CMIP: variants seen among roughly 807,000 people sequenced by gnomAD.
The protein encoded by CMIP is C-Maf-inducing protein.
In CMIP, 13 loss-of-function variants were observed where a neutral mutation model predicts 97.3. The ratio of observed to expected loss-of-function variants is 0.13; its 90% CI spans 0.09 to 0.21. CMIP has a LOEUF of 0.21. Ranked by LOEUF, CMIP falls within the 10% of genes least tolerant of loss-of-function variation. CMIP has a pLI of 1.00. For missense variants in CMIP, 847 were observed against 1,024.9 expected (o/e 0.83, Z 2.37); for synonymous variants, 538 against 436.3 (o/e 1.23, Z -2.91).
chr16:81,624,795 T>C (rs2092038853), intron 3 of CMIP, among the ~76,000 whole-genome samples: 1 of 152,226 alleles, frequency 6.6e-6, no homozygotes, highest in African/African-American at 2.4e-5. Flanking sequence ...CAACCGCTGC[T>C]ATGGAATTGA....
At chr16:81,587,787 C>T (rs549148030) in intron 1 of CMIP, among the ~76,000 whole-genome samples, 1 of 152,302 alleles carries the variant, frequency 6.6e-6, no homozygotes, top group Non-Finnish European at 1.5e-5. Flanking sequence ...AGAGAGCACA[C>T]GTTGATCCCC....
intron 4 of CMIP, among the ~76,000 whole-genome samples, chr16:81,657,051 A>T (rs898503351): frequency 1.1e-4 from 17 of 147,956 alleles, no homozygotes; most frequent in South Asian, 2.1e-4. Context: ...TCCAAAATTT[A>T]AAAAAAAAAA....
chr16:81,506,286 C>T (rs745548188), intron 1 of CMIP, among the ~76,000 whole-genome samples: 8 of 152,104 alleles, frequency 5.3e-5, no homozygotes, highest in African/African-American at 1.9e-4. Context: ...CCAGTACTTA[C>T]TGATTTGGGG....
chr16:81,525,821 A>G (rs2090120661), intron 1 of CMIP, among the ~76,000 whole-genome samples: 1 of 152,128 alleles, frequency 6.6e-6, no homozygotes, highest in Non-Finnish European at 1.5e-5. Flanking sequence ...TTCTGTGTGT[A>G]TGCATTTGAC....
In CMIP at chr16:81,547,362, T is replaced by C. The variant is rs191170211; in HGVS notation, c.301-60205T>C. ...ACCAGCTCCTGCAGATGCTCTGCCA[T>C]CTCTGCAGAAAGACCCCCGCTCCAG... On this transcript the variant is annotated intron_variant, in intron 1 of 20. Transcript: ENST00000537098. 1.7e-3 allele frequency among the ~76,000 whole-genome samples: 261 copies of C among 152,246 alleles called. 1 individual carries two copies. The highest frequency in any genetic ancestry group is 6.0e-3 in the African/African-American group (251 of 41,562).
In CMIP at chr16:81,620,863, C is replaced by A; in HGVS notation, c.427-13C>A. 6.2e-7 allele frequency: 1 copy of A among 1,613,940 alleles called. No individual in the cohort carries two copies. Among genetic ancestry groups the A allele is most frequent in the Non-Finnish European group, 8.5e-7 (1 of 1,179,866 alleles). ...GATGACCGGACCTTGCTGTCCTGTTCTTGTCGTTACAGGCTGCCAATAGCT... is the reference window on the plus strand; with the variant it reads ...GATGACCGGACCTTGCTGTCCTGTTATTGTCGTTACAGGCTGCCAATAGCT... On this transcript the variant is annotated splice_polypyrimidine_tract_variant and intron_variant, in intron 2 of 20. Coordinates refer to ENST00000537098, the MANE Select transcript of CMIP (RefSeq NM_198390.3).
chr16:81,609,641 C>T (rs2091799001), intron 2 of CMIP, among the ~76,000 whole-genome samples: 2 of 152,334 alleles, frequency 1.3e-5, no homozygotes, highest in Middle Eastern at 3.4e-3. Flanking sequence ...CTTATTTGGC[C>T]TGGGGGGCCA....
At chr16:81,452,560 C>G (rs549371155) in intron 1 of CMIP, among the ~76,000 whole-genome samples, 1 of 152,028 alleles carries the variant, frequency 6.6e-6, no homozygotes, top group Admixed American at 6.6e-5. Context: ...GAGTGGTGGG[C>G]TGCTTTGTAC....
intron 1 of CMIP, among the ~76,000 whole-genome samples, chr16:81,549,007 T>G (rs1247438884): frequency 6.6e-6 from 1 of 152,244 alleles, no homozygotes; most frequent in Non-Finnish European, 1.5e-5. Context: ...TGCTGAGGTT[T>G]GAACCCAGGT....
chr16:81,581,126 A>G (rs989918845), intron 1 of CMIP, among the ~76,000 whole-genome samples: 2 of 152,182 alleles, frequency 1.3e-5, no homozygotes, highest in African/African-American at 2.4e-5. Context: ...TGATGGCAGA[A>G]TGATACTCCA....
Position 81,539,640 on chromosome 16 carries a change from G to T in CMIP, c.301-67927G>T, listed in dbSNP as rs542185704. Among the ~76,000 whole-genome samples the T allele has an allele frequency of 1.1e-4, 17 of 152,258 alleles. No individual in the cohort carries two copies. The South Asian group carries it at 3.3e-3, about 30-fold the overall frequency. ...AGCTCCTTAACTGCTCCTACCCTGCGTCCTGTTTCCTTTTCTCAGCTGGAG... is the reference window on the plus strand; with the variant it reads ...AGCTCCTTAACTGCTCCTACCCTGCTTCCTGTTTCCTTTTCTCAGCTGGAG... On this transcript the variant is annotated intron_variant, in intron 1 of 20. Transcript: ENST00000537098.
At chr16:81,496,722 G>A (rs1417672449) in intron 1 of CMIP, among the ~76,000 whole-genome samples, 1 of 152,238 alleles carries the variant, frequency 6.6e-6, no homozygotes, top group African/African-American at 2.4e-5. Context: ...AGAGGCGGGG[G>A]TCAGCCCCCT....
chr16:81,492,440 T>C (rs75337513), intron 1 of CMIP, among the ~76,000 whole-genome samples: 1 of 152,308 alleles, frequency 6.6e-6, no homozygotes, highest in African/African-American at 2.4e-5. Flanking sequence ...CCATGAGCAC[T>C]TCTGTTAGCG....
At chr16:81,625,851 G>A (rs2092053907) in intron 3 of CMIP, among the ~76,000 whole-genome samples, 1 of 152,220 alleles carries the variant, frequency 6.6e-6, no homozygotes, top group African/African-American at 2.4e-5. Context: ...CACTAGTCCT[G>A]GAAACCAAGA....
At chr16:81,701,825 A>G in intron 16 of CMIP, 25 bp downstream of exon 16, 1 of 1,611,734 alleles carries the variant, frequency 6.2e-7, no homozygotes, top group Non-Finnish European at 8.5e-7. Flanking sequence ...GCTCCGGACC[A>G]CTCCCCTGCC....
chr16:81,657,927 C>A (rs2092503032), intron 5 of CMIP, 111 bp downstream of exon 5: 3 of 877,986 alleles, frequency 3.4e-6, no homozygotes, highest in South Asian at 1.8e-5. Flanking sequence ...CAGCATCTGG[C>A]CTTGCTCCGT....
intron 3 of CMIP, among the ~76,000 whole-genome samples, chr16:81,635,248 C>G (rs1487096318): frequency 1.3e-5 from 2 of 150,596 alleles, no homozygotes; most frequent in African/African-American, 4.9e-5. Context: ...CTTTTTCGCT[C>G]TGGGTGGCCT....
chr16:81,510,471 T>C (rs1024716009), intron 1 of CMIP, among the ~76,000 whole-genome samples: 5 of 152,234 alleles, frequency 3.3e-5, no homozygotes, highest in African/African-American at 1.2e-4. Flanking sequence ...GAGGAAACAC[T>C]ATTGTTAGTA....
intron 9 of CMIP, among the ~76,000 whole-genome samples, chr16:81,674,181 C>T (rs117196269): frequency 0.025 from 3,783 of 152,186 alleles, 104 homozygotes; most frequent in South Asian, 0.15. Flanking sequence ...GCAGGGACTC[C>T]AGGGGCCAGA....
Sources: gnomAD v4.1 joint callset for allele counts (sites outside exome capture counted in the v4.1 genomes callset) on GRCh38, gnomAD v4.1.1 for gene constraint, MANE v1.5 for transcripts, NCBI Gene and HGNC (gene_info 2026-07-23, HGNC 2026-07-21) for gene names.